Variants in SV2B observed in about 807,000 individuals in gnomAD.
SV2B encodes synaptic vesicle glycoprotein 2B, also known as solute carrier family 22 member B2.
Under a neutral mutation model 73.9 loss-of-function variants are expected in SV2B, and 41 were observed. The ratio of observed to expected loss-of-function variants is 0.56; its 90% CI spans 0.43 to 0.72. The LOEUF (loss-of-function observed/expected upper bound fraction) is 0.72, where lower values mean the gene tolerates loss of function less well. Ranked by LOEUF, SV2B falls within the 30% of genes least tolerant of loss-of-function variation. The probability of loss-of-function intolerance (pLI) is 0.00; values close to 1 mark genes in which losing one functional copy is unlikely to be tolerated. For missense variants in SV2B, 764 were observed against 857.8 expected (o/e 0.89, Z 1.37); for synonymous variants, 314 against 314.2 (o/e 1.00, Z 0.01).
chr15:91,300,331 G>A lies in SV2B; in HGVS notation c.*7779G>A, dbSNP rs150449406. The A allele has an allele frequency of 4.6e-5, 7 of 152,296 alleles. No homozygotes were observed. The highest frequency in any genetic ancestry group is 1.4e-4 in the African/African-American group (6 of 41,564). The allele number at this position is 152,296 out of a possible 1,614,324, so 9.4% of individuals were successfully genotyped here. On this transcript the variant is annotated 3_prime_UTR_variant, in exon 13 of 13. Coordinates refer to ENST00000394232, the MANE Select transcript of SV2B (RefSeq NM_001323032.3). ...TCCCCAACTCTACCAGACCAAAAGG[G>A]TGTCTCTATTTTTTGTTGTTACTTC...
chr15:91,268,663 T>C lies in SV2B; in HGVS notation c.1373+58T>C, dbSNP rs1012485538. ...AGGGTGACAGTCGTGGGGACTGTTA[T>C]TGGGAGGGAGCCGGAGGGAAGATAA... is the stretch of plus-strand genomic sequence containing the variant. On this transcript the variant is annotated intron_variant, in intron 9 of 12. Transcript: ENST00000394232. This position sits in a 1 kb window ranked among gnomAD's most constrained non-coding sequence, Gnocchi z 4.4. The C allele has an allele frequency of 1.9e-6, 3 of 1,566,372 alleles. No individual in the cohort carries two copies. Among genetic ancestry groups the C allele is most frequent in the East Asian group, 4.5e-5 (2 of 43,958 alleles).
intron 2 of SV2B, among the ~76,000 whole-genome samples, chr15:91,248,809 C>T (rs189840163): frequency 1.3e-3 from 192 of 152,198 alleles, no homozygotes; most frequent in Middle Eastern, 3.4e-3. Context: ...GATTTATGTG[C>T]ACAGTAAAGT....
At chr15:91,271,295 T>G (rs1382230742) in intron 9 of SV2B, among the ~76,000 whole-genome samples, 4 of 152,166 alleles carry the variant, frequency 2.6e-5, no homozygotes. Context: ...ATTTCTGAAG[T>G]TCCCAGTGTT....
chr15:91,163,515 T>G (rs917336211), intron 1 of SV2B, among the ~76,000 whole-genome samples: 47 of 152,250 alleles, frequency 3.1e-4, no homozygotes, highest in Non-Finnish European at 5.9e-4. Flanking sequence ...TGATGGCCAG[T>G]GATGATGAGC....
intron 10 of SV2B, among the ~76,000 whole-genome samples, chr15:91,282,719 C>T (rs553360973): frequency 6.6e-6 from 1 of 152,276 alleles, no homozygotes; most frequent in African/African-American, 2.4e-5. Context: ...CAGATCTATG[C>T]TTTATTCTTG....
At chr15:91,251,726 A>G (rs2047488919) in intron 2 of SV2B, 93 bp from the exon 3 acceptor site, 1 of 1,370,844 alleles carries the variant, frequency 7.3e-7, no homozygotes, top group East Asian at 2.4e-5. Flanking sequence ...ATTCTAGGAT[A>G]AATAAAAATG....
intron 1 of SV2B, among the ~76,000 whole-genome samples, chr15:91,104,409 C>T (rs2041820847): frequency 6.6e-6 from 1 of 152,214 alleles, no homozygotes; most frequent in East Asian, 1.9e-4. Flanking sequence ...GCTTGTATGG[C>T]CTCTTGAGGC....
Position 91,214,672 on chromosome 15 carries a change from C to A in SV2B, c.-391-11201C>A, listed in dbSNP as rs545235228. On this transcript the variant is annotated intron_variant, in intron 1 of 12. Coordinates refer to ENST00000394232, the MANE Select transcript of SV2B (RefSeq NM_001323032.3). This position sits in a 1 kb window ranked among gnomAD's most constrained non-coding sequence, Gnocchi z 4.7. The stretch of plus-strand genomic sequence containing the variant: ...AGAAATATCATTAACAATTGTTTTC[C>A]CGATGAAATCAAAACGAAGTAGGAT... Among the ~76,000 whole-genome samples the A allele has an allele frequency of 6.6e-6, 1 of 152,272 alleles. No individual in the cohort carries two copies. Among genetic ancestry groups the A allele is most frequent in the South Asian group, 2.1e-4 (1 of 4,826 alleles).
chr15:91,135,922 G>T (rs890776838), intron 1 of SV2B, among the ~76,000 whole-genome samples: 1 of 152,128 alleles, frequency 6.6e-6, no homozygotes, highest in Non-Finnish European at 1.5e-5. Flanking sequence ...ACAGCTCCTA[G>T]GAGGAAGTGC....
In SV2B at chr15:91,265,602, T is replaced by A. The variant is rs1047955885; in HGVS notation, c.1009-980T>A. 1.3e-5 allele frequency among the ~76,000 whole-genome samples: 2 copies of A among 152,040 alleles called. No individual in the cohort carries two copies. The highest frequency in any genetic ancestry group is 4.8e-5 in the African/African-American group (2 of 41,364). On this transcript the variant is annotated intron_variant, in intron 6 of 12. Transcript: ENST00000394232. This position sits in a 1 kb window ranked among gnomAD's most constrained non-coding sequence, Gnocchi z 4.2. ...AGCCTCCTTTATCTGTAGCTGGGGG[T>A]CATAACATCCATGAAGGTACTGAAT...
intron 12 of SV2B, among the ~76,000 whole-genome samples, chr15:91,291,081 TATA>T (rs2049024957): frequency 6.8e-6 from 1 of 147,632 alleles, no homozygotes; most frequent in African/African-American, 2.5e-5. Flanking sequence ...ATTAATAACA[TATA>T]ATTAGTATAC....
chr15:91,189,598 C>T (rs2044921764), intron 1 of SV2B, among the ~76,000 whole-genome samples: 1 of 152,208 alleles, frequency 6.6e-6, no homozygotes, highest in Non-Finnish European at 1.5e-5. Flanking sequence ...CCATCTCACA[C>T]ATAAATTTGG....
chr15:91,175,260 CT>C (rs1182322611), intron 1 of SV2B, among the ~76,000 whole-genome samples: 7,769 of 144,862 alleles, frequency 0.054, 643 homozygotes, highest in African/African-American at 0.18. Flanking sequence ...TTTCTTTTTT[CT>C]TTTTTTTTTT....
rs2042943683 is a variant in SV2B at position 91,139,630 on chromosome 15, T to G, written c.-392+39267T>G. 6.6e-6 allele frequency among the ~76,000 whole-genome samples: 1 copy of G among 152,190 alleles called. No individual in the cohort carries two copies. Among genetic ancestry groups the G allele is most frequent in the African/African-American group, 2.4e-5 (1 of 41,438 alleles). On this transcript the variant is annotated intron_variant, in intron 1 of 12. Transcript: ENST00000394232. This position sits in a 1 kb window ranked among gnomAD's most constrained non-coding sequence, Gnocchi z 5.2. ...CCCAGGTCTACAGTGTCCCTGGCTG[T>G]CAGAGAAGGCAAAAGCAAATTCTGT...
rs1453500131 is a variant in SV2B at position 91,268,975 on chromosome 15, T to C, written c.1373+370T>C. On this transcript the variant is annotated intron_variant, in intron 9 of 12. Transcript: ENST00000394232. This position sits in a 1 kb window ranked among gnomAD's most constrained non-coding sequence, Gnocchi z 4.4. ...CCCGAACTAGTCCAAAGCCTGGGTG[T>C]TGAGCTTTTACTTTGACCCTAGAAG... is the stretch of plus-strand genomic sequence containing the variant. 6.6e-6 allele frequency among the ~76,000 whole-genome samples: 1 copy of C among 152,232 alleles called. No individual in the cohort carries two copies. The highest frequency in any genetic ancestry group is 2.4e-5 in the African/African-American group (1 of 41,458).
At chr15:91,164,551 G>A (rs149014043) in intron 1 of SV2B, among the ~76,000 whole-genome samples, 1,844 of 152,198 alleles carry the variant, frequency 0.012, 39 homozygotes, top group African/African-American at 0.042. Context: ...AACTTATTTG[G>A]GACCTTAACT....
intron 6 of SV2B, among the ~76,000 whole-genome samples, chr15:91,262,138 T>G: frequency 6.6e-6 from 1 of 152,216 alleles, no homozygotes; most frequent in East Asian, 1.9e-4. Context: ...GTTTTGACAC[T>G]TTCTAGCTGT....
At chr15:91,160,533 A>T (rs1255951337) in intron 1 of SV2B, among the ~76,000 whole-genome samples, 1 of 152,192 alleles carries the variant, frequency 6.6e-6, no homozygotes, top group Non-Finnish European at 1.5e-5. Context: ...ACTTGAACTC[A>T]GGAGACAGAG....
rs781598060 is a variant in SV2B at position 91,197,216 on chromosome 15, T to TTTTTG, written c.-391-28631_-391-28627dup. On this transcript the variant is annotated intron_variant, in intron 1 of 12. Transcript: ENST00000394232. This position sits in a 1 kb window ranked among gnomAD's most constrained non-coding sequence, Gnocchi z 4.9. ...TGTTTTGTTTTTGTGTTTTTTTTGT[T>TTTTTG]TTTTGTTTTGTTTTGTTTTGTTTTG... Among the ~76,000 whole-genome samples, 10,879 of 144,962 alleles carry TTTTTG rather than the reference T, an allele frequency of 0.075. 1,286 individuals carry two copies. Among genetic ancestry groups the TTTTTG allele is most frequent in the African/African-American group, 0.29 (10,059 of 35,002 alleles).
Sources: gnomAD v4.1 joint callset for allele counts (sites outside exome capture counted in the v4.1 genomes callset) on GRCh38, gnomAD v4.1.1 for gene constraint, Gnocchi (gnomAD v3.1) non-coding constraint, MANE v1.5 for transcripts, NCBI Gene and HGNC (gene_info 2026-07-23, HGNC 2026-07-21) for gene names.